Variants in CTNNA2 observed in about 807,000 individuals in gnomAD.
The protein encoded by CTNNA2 is catenin alpha-2.
A neutral mutation model predicts 101.0 loss-of-function variants in CTNNA2; 42 were observed. The observed-to-expected ratio is 0.42, with a 90% CI of 0.32 to 0.54. CTNNA2 has a LOEUF of 0.54. Among genes scored for constraint, CTNNA2 ranks in the 20% least tolerant of loss-of-function variants. The probability of loss-of-function intolerance (pLI) is 0.14; values close to 1 mark genes in which losing one functional copy is unlikely to be tolerated. For synonymous variants in CTNNA2, 450 were observed against 456.4 expected (o/e 0.99, Z 0.18); for missense variants, 871 against 1,223.1 (o/e 0.71, Z 4.29).
intron 2 of CTNNA2, among the ~76,000 whole-genome samples, chr2:79,280,485 G>A (rs187398789): frequency 5.9e-5 from 9 of 152,064 alleles, no homozygotes. Context: ...AAATATCCCC[G>A]GAGCAGGGGG....
intron 7 of CTNNA2, among the ~76,000 whole-genome samples, chr2:80,254,244 CAT>C (rs1171335385): frequency 1.3e-5 from 2 of 152,030 alleles, no homozygotes; most frequent in Non-Finnish European, 2.9e-5. Context: ...ACTCTTGACT[CAT>C]ATATTATGTG....
chr2:80,382,077 G>C (rs1218598608), intron 7 of CTNNA2, among the ~76,000 whole-genome samples: 3 of 152,184 alleles, frequency 2.0e-5, no homozygotes. Flanking sequence ...GGGAATGAGA[G>C]TAGGCAACAA....
At chr2:80,589,590 G>C in intron 15 of CTNNA2, 105 bp downstream of exon 15, 3 of 1,027,836 alleles carry the variant, frequency 2.9e-6, no homozygotes, top group Non-Finnish European at 2.8e-6. Flanking sequence ...ATATACCAAC[G>C]CAAGGTGGTG....
intron 8 of CTNNA2, among the ~76,000 whole-genome samples, chr2:80,402,566 G>A (rs966109927): frequency 2.1e-4 from 32 of 151,984 alleles, no homozygotes; most frequent in African/African-American, 6.3e-4. Context: ...TGTTTCCAAT[G>A]TTACCACCTA....
chr2:79,964,163 G>T (rs565211101), intron 7 of CTNNA2, among the ~76,000 whole-genome samples: 1 of 152,258 alleles, frequency 6.6e-6, no homozygotes, highest in East Asian at 1.9e-4. Flanking sequence ...TCTATCTTCT[G>T]TTATTGTCTC....
intron 7 of CTNNA2, among the ~76,000 whole-genome samples, chr2:79,994,901 C>T (rs749368634): frequency 1.3e-5 from 2 of 152,142 alleles, no homozygotes; most frequent in Non-Finnish European, 2.9e-5. Context: ...AAGGCTGTAC[C>T]AGGAGGTGCC....
In CTNNA2 at chr2:79,303,419, A is replaced by G. The variant is rs146945862; in HGVS notation, c.-405-9290A>G. 2.4e-3 allele frequency among the ~76,000 whole-genome samples: 362 copies of G among 152,256 alleles called. 1 individual carries two copies. Among genetic ancestry groups the G allele is most frequent in the African/African-American group, 8.3e-3 (345 of 41,568 alleles). Reference sequence around the variant, plus strand: ...TGAAGTCTCTACTGGGAGAGGGGCTATCAATTCCTGCCCTGCCCTAATGAG... The same window carrying G: ...TGAAGTCTCTACTGGGAGAGGGGCTGTCAATTCCTGCCCTGCCCTAATGAG... On this transcript the variant is annotated intron_variant, in intron 2 of 21. Coordinates refer to the CTNNA2 transcript ENST00000466387.
intron 7 of CTNNA2, among the ~76,000 whole-genome samples, chr2:80,145,046 G>A (rs1703249702): frequency 6.6e-6 from 1 of 152,130 alleles, no homozygotes; most frequent in African/African-American, 2.4e-5. Context: ...GAGAACCACT[G>A]CTCTCTGTCA....
chr2:80,604,585 T>A (rs1697842778), intron 16 of CTNNA2, among the ~76,000 whole-genome samples: 1 of 152,048 alleles, frequency 6.6e-6, no homozygotes, highest in Non-Finnish European at 1.5e-5. Context: ...CCTAATGCCC[T>A]CTTTTGTTTA....
intron 9 of CTNNA2, among the ~76,000 whole-genome samples, chr2:80,496,395 C>CTTT (rs34221173): frequency 1.3e-4 from 17 of 131,734 alleles, no homozygotes; most frequent in Non-Finnish European, 2.3e-4. Flanking sequence ...TCTTCACTGT[C>CTTT]TTTTTTTTTT....
At chr2:80,075,655 A>G (rs1161122004) in intron 7 of CTNNA2, among the ~76,000 whole-genome samples, 1 of 117,108 alleles carries the variant, frequency 8.5e-6, no homozygotes, top group Non-Finnish European at 1.7e-5. Context: ...TTATAAAAAT[A>G]ATATTTATAC....
At chr2:80,017,842 G>C (rs1463578131) in intron 7 of CTNNA2, among the ~76,000 whole-genome samples, 3 of 151,780 alleles carry the variant, frequency 2.0e-5, no homozygotes, top group African/African-American at 7.3e-5. Flanking sequence ...CACCTACATT[G>C]TAAAATAGTG....
At chr2:79,191,334 A>G (rs933879104) in intron 1 of CTNNA2, among the ~76,000 whole-genome samples, 1 of 152,200 alleles carries the variant, frequency 6.6e-6, no homozygotes, top group Non-Finnish European at 1.5e-5. Flanking sequence ...CTGTAATGGC[A>G]TATCATCTGT....
At chr2:79,206,815 T>A (rs999340881) in intron 2 of CTNNA2, among the ~76,000 whole-genome samples, 1 of 152,092 alleles carries the variant, frequency 6.6e-6, no homozygotes, top group South Asian at 2.1e-4. Context: ...GCCAACACAC[T>A]AAAAAGAGCA....
intron 6 of CTNNA2, among the ~76,000 whole-genome samples, chr2:79,888,889 A>T (rs1251294588): frequency 1.3e-5 from 2 of 152,204 alleles, no homozygotes; most frequent in East Asian, 1.9e-4. Flanking sequence ...ATTGTCACTT[A>T]TCTATTAGTT....
At chr2:80,534,173 C>T (rs948756494) in intron 9 of CTNNA2, among the ~76,000 whole-genome samples, 1 of 152,096 alleles carries the variant, frequency 6.6e-6, no homozygotes, top group East Asian at 1.9e-4. Flanking sequence ...AAAAGAGCTG[C>T]TCTTCATCCC....
At chr2:79,291,696 A>G (rs1675820844) in intron 2 of CTNNA2, among the ~76,000 whole-genome samples, 1 of 152,210 alleles carries the variant, frequency 6.6e-6, no homozygotes, top group African/African-American at 2.4e-5. Flanking sequence ...TGAATACCCA[A>G]AAAGATTTAC....
In CTNNA2 at chr2:79,732,312, A is replaced by T. The variant is rs1444187689; in HGVS notation, c.103-12075A>T. 3.3e-5 allele frequency among the ~76,000 whole-genome samples: 5 copies of T among 152,082 alleles called. No individual in the cohort carries two copies. In the East Asian group the frequency reaches 7.7e-4, roughly 23 times the overall value. Reference sequence around the variant, plus strand: ...GAAGAGAATGGATTTCTAGAACTGTATAAGAACAAGGACTTGACGATTTAA... The same window carrying T: ...GAAGAGAATGGATTTCTAGAACTGTTTAAGAACAAGGACTTGACGATTTAA... On this transcript the variant is annotated intron_variant, in intron 2 of 18. Transcript: ENST00000402739.
At chr2:79,949,129 T>A (rs1408943761) in intron 7 of CTNNA2, among the ~76,000 whole-genome samples, 1 of 152,172 alleles carries the variant, frequency 6.6e-6, no homozygotes, top group South Asian at 2.1e-4. Flanking sequence ...CAAATGCTGA[T>A]GCATTTGAAA....
Sources: gnomAD v4.1 joint callset for allele counts (sites outside exome capture counted in the v4.1 genomes callset) on GRCh38, gnomAD v4.1.1 for gene constraint, MANE v1.5 for transcripts, NCBI Gene and HGNC (gene_info 2026-07-23, HGNC 2026-07-21) for gene names.